CAMKMT: variants seen among roughly 807,000 people sequenced by gnomAD.
The protein encoded by CAMKMT is CaM KMT.
CAMKMT carries 53 observed loss-of-function variants against 48.0 expected under a neutral mutation model. The ratio of observed to expected loss-of-function variants is 1.10; its 90% CI spans 0.89 to 1.39. The LOEUF (loss-of-function observed/expected upper bound fraction) is 1.39, where lower values mean the gene tolerates loss of function less well. Among genes scored for constraint, CAMKMT ranks in the 40% most tolerant of loss-of-function variants. The pLI is 0.00. For missense variants in CAMKMT, 428 were observed against 402.7 expected (o/e 1.06, Z -0.54); for synonymous variants, 165 against 152.3 (o/e 1.08, Z -0.61).
chr2:44,539,797 T>C (rs1352157836), intron 3 of CAMKMT, among the ~76,000 whole-genome samples: 1 of 152,152 alleles, frequency 6.6e-6, no homozygotes, highest in Non-Finnish European at 1.5e-5. Flanking sequence ...GCAAGCATAT[T>C]ACCAGAAATG....
chr2:44,421,079 A>AT (rs1485336141), intron 3 of CAMKMT, among the ~76,000 whole-genome samples: 1 of 152,078 alleles, frequency 6.6e-6, no homozygotes, highest in Non-Finnish European at 1.5e-5. Context: ...TTGAGAAGTG[A>AT]TTTTTAATGT....
intron 7 of CAMKMT, among the ~76,000 whole-genome samples, chr2:44,743,150 C>T (rs1318103657): frequency 1.3e-5 from 2 of 152,210 alleles, no homozygotes; most frequent in Non-Finnish European, 2.9e-5. Context: ...AAATTTGACT[C>T]TTCTTTTCTT....
chr2:44,706,939 A>G (rs563024617), intron 5 of CAMKMT, among the ~76,000 whole-genome samples: 2 of 152,198 alleles, frequency 1.3e-5, no homozygotes, highest in East Asian at 3.9e-4. Flanking sequence ...GCTCTTATAC[A>G]ATGTGTCGAG....
At chr2:44,388,067 T>G (rs1159868752) in intron 2 of CAMKMT, among the ~76,000 whole-genome samples, 4 of 152,212 alleles carry the variant, frequency 2.6e-5, no homozygotes, top group Non-Finnish European at 5.9e-5. Context: ...TGTCTAGGTC[T>G]CTAGCAAGGC....
At chr2:44,745,085 G>T (rs61163292) in intron 8 of CAMKMT, among the ~76,000 whole-genome samples, 1,852 of 152,260 alleles carry the variant, frequency 0.012, 31 homozygotes, top group African/African-American at 0.041. Flanking sequence ...TCATTGCACA[G>T]ATGAAGATAA....
chr2:44,762,734 T>C (rs1680671419), intron 9 of CAMKMT, among the ~76,000 whole-genome samples: 1 of 152,182 alleles, frequency 6.6e-6, no homozygotes, highest in Non-Finnish European at 1.5e-5. Context: ...TAAGTATAGA[T>C]TAGTCTAGCA....
chr2:44,431,676 T>G (rs1684657972), intron 3 of CAMKMT, among the ~76,000 whole-genome samples: 1 of 152,146 alleles, frequency 6.6e-6, no homozygotes, highest in Non-Finnish European at 1.5e-5. Context: ...ATAGGATTGT[T>G]TTGCAGAAAT....
chr2:44,434,627 G>T (rs913918157), intron 3 of CAMKMT, among the ~76,000 whole-genome samples: 1 of 152,122 alleles, frequency 6.6e-6, no homozygotes, highest in African/African-American at 2.4e-5. Flanking sequence ...GTCTCCCCAA[G>T]ATCAATTAAC....
chr2:44,541,770 CAAA>C (rs34738217), intron 3 of CAMKMT, among the ~76,000 whole-genome samples: 8 of 67,206 alleles, frequency 1.2e-4, no homozygotes, highest in Non-Finnish European at 1.0e-4. Context: ...AACTCTGTCT[CAAA>C]AAAAAAAAAA....
intron 3 of CAMKMT, among the ~76,000 whole-genome samples, chr2:44,558,894 C>T (rs1382848955): frequency 6.6e-6 from 1 of 151,936 alleles, no homozygotes; most frequent in Admixed American, 6.6e-5. Flanking sequence ...TTGAATTACT[C>T]ATGTAACAAA....
At chr2:44,469,196 A>G (rs1037226867) in intron 3 of CAMKMT, among the ~76,000 whole-genome samples, 2 of 152,212 alleles carry the variant, frequency 1.3e-5, no homozygotes, top group Admixed American at 6.5e-5. Flanking sequence ...TTTGATCATT[A>G]CACATTGTAC....
chr2:44,727,013 G>GCTAT (rs1678826734), intron 7 of CAMKMT, among the ~76,000 whole-genome samples: 1 of 152,116 alleles, frequency 6.6e-6, no homozygotes, highest in Non-Finnish European at 1.5e-5. Context: ...CTGTTTTGGT[G>GCTAT]ACTATGGCTT....
intron 3 of CAMKMT, among the ~76,000 whole-genome samples, chr2:44,439,837 G>A (rs192429201): frequency 1.2e-4 from 18 of 151,636 alleles, no homozygotes; most frequent in Admixed American, 8.5e-4. Context: ...AAGAAATGCC[G>A]ATATGCTGGG....
At chr2:44,389,169 G>A (rs1221568429) in intron 2 of CAMKMT, among the ~76,000 whole-genome samples, 1 of 152,068 alleles carries the variant, frequency 6.6e-6, no homozygotes, top group East Asian at 1.9e-4. Flanking sequence ...ATCTCCTTGG[G>A]TGGGTCTTGC....
intron 3 of CAMKMT, among the ~76,000 whole-genome samples, chr2:44,499,757 G>C (rs1277501464): frequency 1.3e-5 from 2 of 152,150 alleles, no homozygotes; most frequent in Admixed American, 6.6e-5. Context: ...CTGTGTTGTA[G>C]AACCATGAAA....
chr2:44,482,980 T>C (rs2104687971), intron 3 of CAMKMT, among the ~76,000 whole-genome samples: 1 of 152,292 alleles, frequency 6.6e-6, no homozygotes, highest in East Asian at 1.9e-4. Flanking sequence ...GCACCATCTG[T>C]ATTACAAAGA....
rs566345778 is a variant in CAMKMT at position 44,550,720 on chromosome 2, TG to T, written c.377-153561del. On this transcript the variant is annotated intron_variant, in intron 3 of 10. Coordinates refer to ENST00000378494, the MANE Select transcript of CAMKMT (RefSeq NM_024766.5). Reference sequence around the variant, plus strand: ...GCATACTCTAAAAGCTTGCAGTGACTGGATGAGTCAAATTCTGTCACTTCCT... The same window carrying T: ...GCATACTCTAAAAGCTTGCAGTGACTGATGAGTCAAATTCTGTCACTTCCT... 8.5e-4 allele frequency: 130 copies of T among 152,344 alleles called. 1 individual carries two copies. Among genetic ancestry groups the T allele is most frequent in the African/African-American group, 2.8e-3 (117 of 41,590 alleles). 9.4% of individuals were successfully genotyped at this position (152,344 alleles called of 1,614,324 possible).
chr2:44,692,443 C>T (rs569748239), intron 3 of CAMKMT, among the ~76,000 whole-genome samples: 1 of 152,298 alleles, frequency 6.6e-6, no homozygotes, highest in East Asian at 1.9e-4. Flanking sequence ...TAATTATTCT[C>T]TATTTCGTTA....
intron 3 of CAMKMT, among the ~76,000 whole-genome samples, chr2:44,703,294 C>G (rs1311554765): frequency 7.2e-5 from 11 of 152,132 alleles, no homozygotes. Flanking sequence ...TTTGTCTTCT[C>G]TTTAAGCAAT....
Sources: allele counts gnomAD v4.1 joint callset (sites outside exome capture counted in the v4.1 genomes callset), GRCh38; gene constraint gnomAD v4.1.1; transcripts MANE v1.5; gene names NCBI Gene and HGNC (gene_info 2026-07-23, HGNC 2026-07-21).